The following GNB4 variants were observed in gnomAD, a reference collection of about 807,000 sequenced individuals.
GNB4 encodes the protein guanine nucleotide-binding protein subunit beta-4.
In GNB4, 28 loss-of-function variants were observed where a neutral mutation model predicts 45.2. The observed-to-expected ratio is 0.62, with a 90% confidence interval of 0.46 to 0.85. The LOEUF is 0.85. GNB4 is among the 40% of genes least tolerant of loss of function. The pLI is 0.00. For missense variants in GNB4, 321 were observed against 425.4 expected (o/e 0.75, Z 2.16); for synonymous variants, 132 against 143.7 (o/e 0.92, Z 0.58).
chr3:179,484,529 C>A, the GNB4 span, among the ~76,000 whole-genome samples: 1 of 152,132 alleles, frequency 6.6e-6, no homozygotes, highest in Non-Finnish European at 1.5e-5. Flanking sequence ...AAAGAGGTGA[C>A]ACTACCTTCC....
intron 8 of GNB4, among the ~76,000 whole-genome samples, chr3:179,412,853 A>G (rs1036744748): frequency 9.5e-5 from 14 of 147,704 alleles, no homozygotes; most frequent in Non-Finnish European, 1.8e-4. Context: ...CCACTTTGGA[A>G]AAAAAAAAAA....
chr3:179,526,887 C>A, the GNB4 span, among the ~76,000 whole-genome samples: 1 of 152,164 alleles, frequency 6.6e-6, no homozygotes, highest in South Asian at 2.1e-4. Context: ...TGGCACCATT[C>A]CCAAAATTAA....
At chr3:179,443,992 T>C (rs1419791772) in intron 1 of GNB4, among the ~76,000 whole-genome samples, 2 of 152,340 alleles carry the variant, frequency 1.3e-5, no homozygotes, top group African/African-American at 4.8e-5. Flanking sequence ...GTTTTTATCC[T>C]ACAACACTCT....
At chr3:179,420,501 C>T (rs1223510702) in intron 3 of GNB4, among the ~76,000 whole-genome samples, 6 of 150,528 alleles carry the variant, frequency 4.0e-5, no homozygotes, top group Non-Finnish European at 8.9e-5. Context: ...TCACTCTTCT[C>T]GCCCAGGCTG....
the GNB4 span, among the ~76,000 whole-genome samples, chr3:179,512,299 G>T: frequency 6.6e-6 from 1 of 152,168 alleles, no homozygotes; most frequent in East Asian, 1.9e-4. Flanking sequence ...GACCATACAT[G>T]ATGAATTTTA....
chr3:179,508,800 G>A, the GNB4 span, among the ~76,000 whole-genome samples: 18 of 151,608 alleles, frequency 1.2e-4, no homozygotes, highest in South Asian at 2.1e-4. Context: ...CAAAGAAATC[G>A]TAAAATTCAT....
chr3:179,518,358 TC>T, the GNB4 span, among the ~76,000 whole-genome samples: 3 of 152,136 alleles, frequency 2.0e-5, no homozygotes, highest in Non-Finnish European at 4.4e-5. Context: ...TACACATGGT[TC>T]CCTCCTTAGT....
the GNB4 span, among the ~76,000 whole-genome samples, chr3:179,519,619 G>A: frequency 6.6e-6 from 1 of 152,016 alleles, no homozygotes; most frequent in African/African-American, 2.4e-5. Context: ...TCCCTTATTA[G>A]GCCGAGACAT....
chr3:179,516,622 G>T, the GNB4 span, among the ~76,000 whole-genome samples: 1 of 152,292 alleles, frequency 6.6e-6, no homozygotes, highest in Non-Finnish European at 1.5e-5. Flanking sequence ...GAAATGAGAG[G>T]TTTTAAGAGG....
the GNB4 span, among the ~76,000 whole-genome samples, chr3:179,467,724 G>A: frequency 2.6e-5 from 4 of 152,142 alleles, no homozygotes; most frequent in Non-Finnish European, 4.4e-5. Context: ...GGTGTTCACT[G>A]AATGTGGATT....
In GNB4 at chr3:179,435,532, T is replaced by C. The variant is rs115543711; in HGVS notation, c.-42-9290A>G. On this transcript the variant is annotated intron_variant, in intron 1 of 9. Coordinates refer to ENST00000232564, the MANE Select transcript of GNB4 (RefSeq NM_021629.4). ...GTAATCGCCAAGCAATTTCAACCAA[T>C]AGTAATTTTTGCTCAAGATCACATT... 4.1e-3 allele frequency among the ~76,000 whole-genome samples: 574 copies of C among 140,844 alleles called. 6 individuals carry two copies. The highest frequency in any genetic ancestry group is 0.015 in the African/African-American group (557 of 37,852). The allele number at this position is 140,844 out of a possible 152,430, so 92.4% of individuals were successfully genotyped here.
the GNB4 span, among the ~76,000 whole-genome samples, chr3:179,468,035 A>AAAAAAAAAAATATATATATAT: frequency 3.2e-3 from 286 of 89,852 alleles, 19 homozygotes; most frequent in African/African-American, 0.01. Context: ...TGTTGATAAA[A>AAAAAAAAAAATATATATATAT]ATATATATAT....
chr3:179,501,327 C>G, the GNB4 span, among the ~76,000 whole-genome samples: 1 of 141,878 alleles, frequency 7.0e-6, no homozygotes, highest in Non-Finnish European at 1.5e-5. Flanking sequence ...GAGACAGTCT[C>G]TAACTCTGTC....
chr3:179,457,528 A>C, the GNB4 span, among the ~76,000 whole-genome samples: 1 of 152,336 alleles, frequency 6.6e-6, no homozygotes, highest in East Asian at 1.9e-4. Flanking sequence ...CCACAGTCTT[A>C]GCACAGCACA....
chr3:179,496,572 C>G, the GNB4 span, among the ~76,000 whole-genome samples: 1 of 151,986 alleles, frequency 6.6e-6, no homozygotes, highest in Admixed American at 6.6e-5. Context: ...AAAAATAAGA[C>G]CCAACTATAT....
chr3:179,437,058 T>C (rs1321411712), intron 1 of GNB4, among the ~76,000 whole-genome samples: 3 of 152,088 alleles, frequency 2.0e-5, no homozygotes, highest in Non-Finnish European at 4.4e-5. Flanking sequence ...TCAAGGAGTT[T>C]ACAGTCTAAA....
At chr3:179,475,891 C>T in the GNB4 span, among the ~76,000 whole-genome samples, 1 of 152,218 alleles carries the variant, frequency 6.6e-6, no homozygotes. Flanking sequence ...CTTGTCCCAC[C>T]TCTTAATACT....
chr3:179,425,725 C>T (rs1470953504), intron 2 of GNB4, among the ~76,000 whole-genome samples: 1 of 152,206 alleles, frequency 6.6e-6, no homozygotes, highest in African/African-American at 2.4e-5. Context: ...CCTGCCTCAG[C>T]CTCCCAAAGT....
intron 1 of GNB4, among the ~76,000 whole-genome samples, chr3:179,429,680 C>G (rs917288432): frequency 6.6e-6 from 1 of 152,100 alleles, no homozygotes; most frequent in African/African-American, 2.4e-5. Flanking sequence ...AAAGCAAAAC[C>G]CTGGATGAAA....
Sources: allele counts gnomAD v4.1 joint callset (sites outside exome capture counted in the v4.1 genomes callset), GRCh38; gene constraint gnomAD v4.1.1; transcripts MANE v1.5; gene names NCBI Gene and HGNC (gene_info 2026-07-23, HGNC 2026-07-21).